The following RPS27L variants were observed in gnomAD, a reference collection of about 807,000 sequenced individuals.
RPS27L encodes ribosomal protein eS27-like.
In RPS27L, 10 loss-of-function variants were observed where a neutral mutation model predicts 12.8. The ratio of observed to expected loss-of-function variants is 0.78; its 90% CI spans 0.48 to 1.33. The LOEUF (loss-of-function observed/expected upper bound fraction) is 1.33. Among genes scored for constraint, RPS27L ranks in the 40% most tolerant of loss-of-function variants. The probability of loss-of-function intolerance (pLI) is 0.00; values close to 1 mark genes in which losing one functional copy is unlikely to be tolerated. For synonymous variants in RPS27L, 26 were observed against 32.3 expected, an observed-to-expected ratio of 0.81 and a Z score of 0.66; for missense variants, 81 against 97.4, an observed-to-expected ratio of 0.83 and a Z score of 0.71.
rs559951315 is a variant in RPS27L, at chr15:63,150,219, C to T, written c.*3813G>A. 7.2e-5 allele frequency: 11 copies of T among 152,318 alleles called. No individual in the cohort carries two copies. The East Asian group carries it at 1.9e-3, about 27-fold the overall frequency. 9.4% of individuals were successfully genotyped at this position (152,318 alleles called of 1,614,324 possible). A position where few individuals can be genotyped will look rare whatever the true frequency, so the allele number is the denominator to read the frequency against. ...CAACAGCATGGACAGCCCTTGAAAA[C>T]ATTATGCTAAGTGAAACATACAGAA... On this transcript the variant is annotated 3_prime_UTR_variant, in exon 4 of 4. Transcript: ENST00000330964.
intron 1 of RPS27L, 102 bp downstream of exon 1, chr15:63,157,298 C>A: frequency 7.5e-7 from 1 of 1,336,810 alleles, no homozygotes; most frequent in Non-Finnish European, 1.1e-6. Flanking sequence ...CCTCGCCACT[C>A]TCGGACACTA....
chr15:63,152,167 T>A lies in RPS27L; in HGVS notation c.*1865A>T, dbSNP rs2037303813. On this transcript the variant is annotated 3_prime_UTR_variant, in exon 4 of 4. Transcript: ENST00000330964. ...GGTGGCACGTGCCTGAAGTCTCCGC[T>A]ACTCAGGAGGCAGAGGTGGGAGGCT... The A allele has an allele frequency of 6.6e-6, 1 of 152,210 alleles. No individual in the cohort carries two copies. The highest frequency in any genetic ancestry group is 2.4e-5 in the African/African-American group (1 of 41,436). 9.4% of individuals were successfully genotyped at this position (152,210 alleles called of 1,614,324 possible). A position where few individuals can be genotyped will look rare whatever the true frequency, so the allele number is the denominator to read the frequency against.
At position 63,150,785 on chromosome 15, in the gene RPS27L, C is replaced by A. The variant is rs767414446; in HGVS notation, c.*3247G>T. ...CCTCCCAAGTAGCTGGGACTACAGG[C>A]GCCCACCACCATGCCCGGCTAATTT... is the stretch of plus-strand genomic sequence containing the variant. On this transcript the variant is annotated 3_prime_UTR_variant, in exon 4 of 4. Coordinates refer to ENST00000330964, the MANE Select transcript of RPS27L (RefSeq NM_015920.4). 1 of 151,970 alleles carries A rather than the reference C, an allele frequency of 6.6e-6. No individual in the cohort carries two copies. The highest frequency in any genetic ancestry group is 1.5e-5 in the Non-Finnish European group (1 of 68,020). The allele number at this position is 151,970 out of a possible 1,614,324, so 9.4% of individuals were successfully genotyped here. A position where few individuals can be genotyped will look rare whatever the true frequency, so the allele number is the denominator to read the frequency against.
intron 1 of RPS27L, chr15:63,156,967 G>C: frequency 1.2e-5 from 4 of 344,478 alleles, no homozygotes; most frequent in Non-Finnish European, 2.1e-5. Flanking sequence ...CTTGCTGAGC[G>C]ACCGTCCTTG....
At position 63,156,640 on chromosome 15, in the gene RPS27L, G is replaced by A. The variant is rs1253269688; in HGVS notation, c.7-119C>T. The A allele has an allele frequency of 5.7e-6, 4 of 697,364 alleles. No homozygotes were observed. The East Asian group carries it at 7.9e-5, about 14-fold the overall frequency. 43.2% of individuals were successfully genotyped at this position (697,364 alleles called of 1,614,324 possible). The stretch of plus-strand genomic sequence containing the variant: ...CGGTCATCCTCGGCAGAAGCAACAC[G>A]TCAGATAGTAAAGTTATTTTTCGAA... On this transcript the variant is annotated intron_variant, in intron 1 of 3. Transcript: ENST00000330964.
chr15:63,156,531 G>A lies in RPS27L; in HGVS notation c.7-10C>T, dbSNP rs754143395. 2.7e-6 allele frequency: 4 copies of A among 1,502,516 alleles called. 1 individual carries two copies. The Admixed American group carries it at 5.2e-5, about 19-fold the overall frequency. The allele number at this position is 1,502,516 out of a possible 1,614,324, so 93.1% of individuals were successfully genotyped here. A position where few individuals can be genotyped will look rare whatever the true frequency, so the allele number is the denominator to read the frequency against. ...GTAAATCTCTAGCCAACTGAACAAA[G>A]AAGCATATTATTACTATTAGTTTTA... On this transcript the variant is annotated splice_polypyrimidine_tract_variant and intron_variant, in intron 1 of 3. Coordinates refer to ENST00000330964, the MANE Select transcript of RPS27L (RefSeq NM_015920.4).
At chr15:63,155,870 T>A (rs1314617416) in intron 2 of RPS27L, 139 bp from the exon 3 acceptor site, 5 of 446,892 alleles carry the variant, frequency 1.1e-5, no homozygotes, top group Non-Finnish European at 1.9e-5. Context: ...TAAACTTTTC[T>A]AGCAGCGACA....
In RPS27L at chr15:63,153,844, AAG is replaced by A; in HGVS notation, c.*186_*187del. 6.9e-6 allele frequency: 4 copies of A among 576,584 alleles called. No homozygotes were observed. Among genetic ancestry groups the A allele is most frequent in the East Asian group, 2.9e-5 (1 of 34,240 alleles). The allele number at this position is 576,584 out of a possible 1,614,324, so 35.7% of individuals were successfully genotyped here. On this transcript the variant is annotated 3_prime_UTR_variant, in exon 4 of 4. Coordinates refer to ENST00000330964, the MANE Select transcript of RPS27L (RefSeq NM_015920.4). The stretch of plus-strand genomic sequence containing the variant: ...CTCAAATATATTTTAAAAAAAGAAA[AAG>A]AGGGGATTTGCCCATAATCAAAACT...
intron 3 of RPS27L, chr15:63,154,494 A>G (rs2037319426): frequency 6.4e-6 from 1 of 155,192 alleles, no homozygotes; most frequent in African/African-American, 2.4e-5. Flanking sequence ...TATGGGCACT[A>G]AATTCCAAAA....
At chr15:63,155,435 T>G (rs2037325822) in intron 3 of RPS27L, 186 bp downstream of exon 3, 1 of 426,842 alleles carries the variant, frequency 2.3e-6, no homozygotes, top group Non-Finnish European at 4.2e-6. Context: ...AATAAGTCAA[T>G]GGAGTTCACT....
At position 63,152,490 on chromosome 15, in the gene RPS27L, T is replaced by TATA. The variant is rs1566997021; in HGVS notation, c.*1541_*1542insTAT. 6.9e-3 allele frequency: 900 copies of TATA among 130,738 alleles called. 10 individuals carry two copies. The highest frequency in any genetic ancestry group is 0.023 in the African/African-American group (858 of 37,398). 8.1% of individuals were successfully genotyped at this position (130,738 alleles called of 1,614,324 possible). A position where few individuals can be genotyped will look rare whatever the true frequency, so the allele number is the denominator to read the frequency against. On this transcript the variant is annotated 3_prime_UTR_variant, in exon 4 of 4. Coordinates refer to ENST00000330964, the MANE Select transcript of RPS27L (RefSeq NM_015920.4). Reference sequence around the variant, plus strand: ...TACATATATATGTATATATATATATTTTTTTTTTCTTTTTTTTTTTGAGAC... The same window carrying TATA: ...TACATATATATGTATATATATATATTATATTTTTTTTCTTTTTTTTTTTGAGAC...
At position 63,150,394 on chromosome 15, in the gene RPS27L, C is replaced by T. The variant is rs2037293006; in HGVS notation, c.*3638G>A. 6.6e-6 allele frequency: 1 copy of T among 152,102 alleles called. No individual in the cohort carries two copies. The allele number at this position is 152,102 out of a possible 1,614,324, so 9.4% of individuals were successfully genotyped here. ...GTGAATGCTGATAGGTATGAAGTTT[C>T]TTTCTAAGGTGATGAAAATGGTCTG... On this transcript the variant is annotated 3_prime_UTR_variant, in exon 4 of 4. Coordinates refer to ENST00000330964, the MANE Select transcript of RPS27L (RefSeq NM_015920.4).
Position 63,149,210 on chromosome 15 carries a change from G to T in RPS27L, c.*4822C>A, listed in dbSNP as rs1437060979. The T allele has an allele frequency of 6.6e-6, 1 of 152,060 alleles. No individual in the cohort carries two copies. Among genetic ancestry groups the T allele is most frequent in the Non-Finnish European group, 1.5e-5 (1 of 67,998 alleles). The allele number at this position is 152,060 out of a possible 1,614,324, so 9.4% of individuals were successfully genotyped here. A position where few individuals can be genotyped will look rare whatever the true frequency, so the allele number is the denominator to read the frequency against. On this transcript the variant is annotated 3_prime_UTR_variant, in exon 4 of 4. Transcript: ENST00000330964. ...AAAAAGTAGCTGTAAAATCCTAAAA[G>T]AATACAAGGTCATTATTCTATAAAA... is the stretch of plus-strand genomic sequence containing the variant.
rs199922392 is a variant in RPS27L at position 63,157,442 on chromosome 15, C to G, written c.-37G>C. ...TGCAAGCTCAGCCCTACCAGACCTC[C>G]CAGCCCACACAGCTAGCAAGCTGCA... is the stretch of plus-strand genomic sequence containing the variant. On this transcript the variant is annotated 5_prime_UTR_variant, in exon 1 of 4. Coordinates refer to ENST00000330964, the MANE Select transcript of RPS27L (RefSeq NM_015920.4). 1,596 of 1,613,492 alleles carry G rather than the reference C, an allele frequency of 9.9e-4. 2 individuals are homozygous for G. Among genetic ancestry groups the G allele is most frequent in the Non-Finnish European group, 1.3e-3 (1,517 of 1,179,398 alleles).
At chr15:63,156,357 C>G in intron 2 of RPS27L, 56 bp downstream of exon 2, 1 of 896,868 alleles carries the variant, frequency 1.1e-6, no homozygotes, top group Admixed American at 2.3e-5. Flanking sequence ...ACACACCACA[C>G]TAGCAATCCC....
chr15:63,155,446 G>C (rs1364527551), intron 3 of RPS27L, 175 bp downstream of exon 3: 4 of 442,364 alleles, frequency 9.0e-6, no homozygotes, highest in Non-Finnish European at 4.1e-6. Context: ...GGAGTTCACT[G>C]CAAGGTCAAG....
rs1294673244 is a variant in RPS27L at position 63,148,918 on chromosome 15, GTA to G, written c.*5112_*5113del. 3 of 147,472 alleles carry G rather than the reference GTA, an allele frequency of 2.0e-5. No homozygotes were observed. Among genetic ancestry groups the G allele is most frequent in the Non-Finnish European group, 4.4e-5 (3 of 67,744 alleles). The allele number at this position is 147,472 out of a possible 1,614,324, so 9.1% of individuals were successfully genotyped here. The stretch of plus-strand genomic sequence containing the variant: ...CTGTCGCCCAGGCTGGAGTGCAGTG[GTA>G]CGATCTGGGCTCACTGCAAGCTCCG... On this transcript the variant is annotated 3_prime_UTR_variant, in exon 4 of 4. Coordinates refer to ENST00000330964, the MANE Select transcript of RPS27L (RefSeq NM_015920.4).
Position 63,151,782 on chromosome 15 carries a change from A to G in RPS27L, c.*2250T>C, listed in dbSNP as rs747843252. 3.3e-5 allele frequency: 5 copies of G among 152,212 alleles called. No homozygotes were observed. The highest frequency in any genetic ancestry group is 1.3e-4 in the Admixed American group (2 of 15,270). 9.4% of individuals were successfully genotyped at this position (152,212 alleles called of 1,614,324 possible). On this transcript the variant is annotated 3_prime_UTR_variant, in exon 4 of 4. Coordinates refer to ENST00000330964, the MANE Select transcript of RPS27L (RefSeq NM_015920.4). ...ACTAGTTCCAGGAAGTTCAGTTTCA[A>G]TATGATATGGCACTACATTCCCTTT...
rs2037310198 is a variant in RPS27L at position 63,152,987 on chromosome 15, T to C, written c.*1045A>G. 1 of 152,216 alleles carries C rather than the reference T, an allele frequency of 6.6e-6. No individual in the cohort carries two copies. Among genetic ancestry groups the C allele is most frequent in the Non-Finnish European group, 1.5e-5 (1 of 68,044 alleles). 9.4% of individuals were successfully genotyped at this position (152,216 alleles called of 1,614,324 possible). On this transcript the variant is annotated 3_prime_UTR_variant, in exon 4 of 4. Coordinates refer to ENST00000330964, the MANE Select transcript of RPS27L (RefSeq NM_015920.4). ...TAGAAGCAGAGTAGAAACTGGACTA[T>C]CTTCCTAGTCCAATGAGGAGTTGTA...
Sources: allele counts gnomAD v4.1 joint callset, GRCh38; gene constraint gnomAD v4.1.1; transcripts MANE v1.5; gene names NCBI Gene and HGNC (gene_info 2026-07-23, HGNC 2026-07-21).